The following LRRC7 variants were observed in gnomAD, a reference collection of about 807,000 sequenced individuals.
LRRC7 encodes leucine rich repeat containing 7.
A neutral mutation model predicts 175.7 loss-of-function variants in LRRC7; 23 were observed. The observed-to-expected ratio is 0.13, with a 90% CI of 0.09 to 0.19. The LOEUF (loss-of-function observed/expected upper bound fraction) is 0.19. LRRC7 is among the 10% of genes least tolerant of loss of function. LRRC7 has a pLI of 1.00. For missense variants in LRRC7, 1,354 were observed against 1,904.7 expected (o/e 0.71, Z 5.38); for synonymous variants, 685 against 680.9 (o/e 1.01, Z -0.09).
At chr1:69,871,186 T>A (rs1685493138) in intron 7 of LRRC7, among the ~76,000 whole-genome samples, 2 of 152,112 alleles carry the variant, frequency 1.3e-5, no homozygotes, top group African/African-American at 4.8e-5. Flanking sequence ...AAGAAAATGA[T>A]GTATACGTAT....
chr1:70,104,082 T>G (rs1664984346), intron 25 of LRRC7, among the ~76,000 whole-genome samples: 1 of 152,200 alleles, frequency 6.6e-6, no homozygotes, highest in Admixed American at 6.5e-5. Flanking sequence ...ATTTGTATAT[T>G]TGATACACAC....
intron 21 of LRRC7, among the ~76,000 whole-genome samples, chr1:70,040,057 T>C (rs998207952): frequency 9.9e-5 from 15 of 152,208 alleles, no homozygotes; most frequent in Non-Finnish European, 2.2e-4. Context: ...TCAACTCCAT[T>C]AGAGGGGATG....
At chr1:69,652,660 T>C (rs904965562) in intron 1 of LRRC7, among the ~76,000 whole-genome samples, 3 of 151,790 alleles carry the variant, frequency 2.0e-5, no homozygotes, top group African/African-American at 7.3e-5. Context: ...CTATCTCCCA[T>C]GGAACCTCAA....
At chr1:69,572,236 T>C (rs1309513743) in intron 1 of LRRC7, among the ~76,000 whole-genome samples, 1 of 152,170 alleles carries the variant, frequency 6.6e-6, no homozygotes, top group African/African-American at 2.4e-5. Flanking sequence ...GCAGTCAACA[T>C]CAGTCTTCAA....
chr1:69,707,753 G>T (rs1221316659), intron 2 of LRRC7, among the ~76,000 whole-genome samples: 1 of 152,106 alleles, frequency 6.6e-6, no homozygotes, highest in African/African-American at 2.4e-5. Flanking sequence ...AGTCTTGGAG[G>T]TAGGTAAAGT....
intron 4 of LRRC7, among the ~76,000 whole-genome samples, chr1:69,807,188 T>C (rs548583116): frequency 2.6e-5 from 4 of 152,222 alleles, no homozygotes; most frequent in African/African-American, 9.6e-5. Flanking sequence ...CTTATGTGTG[T>C]CTTTGCACGT....
chr1:69,637,042 ACTCT>A (rs1653474153), intron 1 of LRRC7, among the ~76,000 whole-genome samples: 1 of 146,248 alleles, frequency 6.8e-6, no homozygotes, highest in Admixed American at 7.0e-5. Flanking sequence ...TAGTTGGGAA[ACTCT>A]CTCTTCACTT....
At chr1:69,928,560 A>G (rs1647168138) in intron 7 of LRRC7, among the ~76,000 whole-genome samples, 1 of 152,084 alleles carries the variant, frequency 6.6e-6, no homozygotes, top group African/African-American at 2.4e-5. Context: ...TTGATCTCAG[A>G]CTGCTGTGCT....
intron 4 of LRRC7, among the ~76,000 whole-genome samples, chr1:69,821,522 C>G (rs906696565): frequency 1.3e-5 from 2 of 152,032 alleles, no homozygotes; most frequent in African/African-American, 4.8e-5. Flanking sequence ...CCTCTTGTAG[C>G]TTACTTAGCT....
chr1:70,018,379 A>C (rs1657146637), intron 14 of LRRC7, among the ~76,000 whole-genome samples: 1 of 152,092 alleles, frequency 6.6e-6, no homozygotes, highest in South Asian at 2.1e-4. Flanking sequence ...GCAATAATCC[A>C]TGAAAATGAA....
chr1:70,128,148 G>C lies in LRRC7; in HGVS notation c.*6261G>C, dbSNP rs61784318. ...GGCTAATTTTTGTATTTTTAGTAGG[G>C]ACAGGGTTTCACCGTGTTGGCCAGG... On this transcript the variant is annotated 3_prime_UTR_variant, in exon 27 of 27. Transcript: ENST00000651989. 0.09 allele frequency among the ~76,000 whole-genome samples: 13,648 copies of C among 152,046 alleles called. 752 individuals carry two copies. The highest frequency in any genetic ancestry group is 0.19 in the South Asian group (896 of 4,810).
At chr1:70,008,212 C>T (rs187642537) in intron 11 of LRRC7, among the ~76,000 whole-genome samples, 1 of 152,130 alleles carries the variant, frequency 6.6e-6, no homozygotes, top group Non-Finnish European at 1.5e-5. Context: ...GCCCATCTCG[C>T]CTTTTCACAT....
intron 21 of LRRC7, 29 bp downstream of exon 21, chr1:70,039,822 T>TC: frequency 6.5e-7 from 1 of 1,541,184 alleles, no homozygotes; most frequent in Non-Finnish European, 8.7e-7. Flanking sequence ...TGTAAGAATA[T>TC]CCCTCCTGCC....
intron 12 of LRRC7, 83 bp from the exon 13 acceptor site, chr1:70,012,891 A>C (rs1251696771): frequency 1.5e-6 from 1 of 646,768 alleles, no homozygotes; most frequent in African/African-American, 2.0e-5. Context: ...AAATCTACTA[A>C]ATTGTTTTAA....
intron 4 of LRRC7, among the ~76,000 whole-genome samples, chr1:69,805,631 TCTC>T (rs1233330782): frequency 2.0e-5 from 3 of 151,844 alleles, no homozygotes; most frequent in Non-Finnish European, 2.9e-5. Context: ...AGAATCTACT[TCTC>T]CTCTGGGTTA....
At chr1:70,061,369 A>G (rs1226895615) in intron 23 of LRRC7, among the ~76,000 whole-genome samples, 4 of 151,844 alleles carry the variant, frequency 2.6e-5, no homozygotes, top group African/African-American at 9.7e-5. Context: ...TTGTTCCCCT[A>G]CCCTCCTTTT....
intron 2 of LRRC7, among the ~76,000 whole-genome samples, chr1:69,705,352 C>T (rs1663899311): frequency 6.6e-6 from 1 of 152,092 alleles, no homozygotes; most frequent in Non-Finnish European, 1.5e-5. Flanking sequence ...AAAGCTTCTC[C>T]TTGACTTGTA....
At chr1:69,883,391 T>C (rs1368776369) in intron 7 of LRRC7, among the ~76,000 whole-genome samples, 1 of 124,394 alleles carries the variant, frequency 8.0e-6, no homozygotes, top group East Asian at 2.7e-4. Flanking sequence ...TTCATGTGTT[T>C]TTTGGCTGCA....
intron 25 of LRRC7, among the ~76,000 whole-genome samples, chr1:70,092,081 G>A (rs867662656): frequency 1.5e-4 from 23 of 152,126 alleles, no homozygotes; most frequent in Admixed American, 2.6e-4. Context: ...CAAGGAAAGG[G>A]ATTAATCTAT....
Sources: allele counts gnomAD v4.1 joint callset (sites outside exome capture counted in the v4.1 genomes callset), GRCh38; gene constraint gnomAD v4.1.1; transcripts MANE v1.5; gene names NCBI Gene and HGNC (gene_info 2026-07-23, HGNC 2026-07-21).